The following PMS2 variants were observed in gnomAD, a reference collection of about 807,000 sequenced individuals.
The protein encoded by PMS2 is PMS1 homolog 2, mismatch repair system component, also known as mismatch repair endonuclease PMS2.
PMS2 carries 69 observed loss-of-function variants against 90.0 expected under a neutral mutation model. That is an observed-to-expected ratio of 0.77 (90% CI 0.63 to 0.94). The LOEUF (loss-of-function observed/expected upper bound fraction) is 0.94, where lower values mean the gene tolerates loss of function less well. Among genes scored for constraint, PMS2 ranks in the 40% least tolerant of loss-of-function variants. The pLI is 0.00. For missense variants in PMS2, 966 were observed against 1,040.2 expected (o/e 0.93, Z 0.98); for synonymous variants, 332 against 375.1 (o/e 0.89, Z 1.33).
chr7:6,002,603 C>T lies in PMS2; in HGVS notation c.387G>A (p.Ala129=), dbSNP rs876658275. 4 of 1,611,912 alleles carry T rather than the reference C, an allele frequency of 2.5e-6. No homozygotes were observed. Among genetic ancestry groups the T allele is most frequent in the Non-Finnish European group, 3.4e-6 (4 of 1,179,782 alleles). The change falls in exon 5 of 15, where the codon GCG becomes GCA. Residue 129 remains alanine, a synonymous_variant. Coordinates refer to ENST00000265849, the MANE Select transcript of PMS2 (RefSeq NM_000535.7). ...DVTISTCHAS[A]KVGTRLMFDH... ...CAAACATCAGTCGAGTTCCAACCTT[C>T]GCCGATGCGTGGCAGGTAGAAATGG...
intron 10 of PMS2, among the ~76,000 whole-genome samples, chr7:5,988,512 A>C (rs1783335996): frequency 6.6e-6 from 1 of 152,194 alleles, no homozygotes; most frequent in Non-Finnish European, 1.5e-5. Flanking sequence ...GCAGCGAGCC[A>C]AGATCACTCC....
chr7:5,997,264 T>G, intron 7 of PMS2, 62 bp downstream of exon 7: 1 of 813,962 alleles, frequency 1.2e-6, no homozygotes, highest in Non-Finnish European at 2.1e-6. Context: ...TCACTATCTT[T>G]AAAAAAAAAG....
intron 8 of PMS2, among the ~76,000 whole-genome samples, chr7:5,993,808 C>T (rs1225278858): frequency 8.3e-6 from 1 of 120,830 alleles, no homozygotes; most frequent in Non-Finnish European, 1.6e-5. Flanking sequence ...TTGCAGTGAG[C>T]AGAGATCATG....
chr7:6,002,908 T>C (rs1785263660), intron 4 of PMS2, among the ~76,000 whole-genome samples: 1 of 152,218 alleles, frequency 6.6e-6, no homozygotes, highest in Non-Finnish European at 1.5e-5. Context: ...ATAAATGATC[T>C]TAAGATTTAT....
In PMS2 at chr7:5,973,357, A is replaced by C. The variant is rs1243200637; in HGVS notation, c.*42T>G. 9.9e-7 allele frequency: 1 copy of C among 1,007,582 alleles called. No homozygotes were observed. The highest frequency in any genetic ancestry group is 1.5e-6 in the Non-Finnish European group (1 of 664,110). The allele number at this position is 1,007,582 out of a possible 1,614,324, so 62.4% of individuals were successfully genotyped here. On this transcript the variant is annotated 3_prime_UTR_variant, in exon 15 of 15. Coordinates refer to ENST00000265849, the MANE Select transcript of PMS2 (RefSeq NM_000535.7). ...TGAAGACTCTGTCTTTCAAAACATA[A>C]AAATCTGCGATAAAACCAATTATTC...
intron 9 of PMS2, 48 bp from the exon 10 acceptor site, chr7:5,990,003 T>C (rs1163803034): frequency 8.2e-7 from 1 of 1,224,860 alleles, no homozygotes. Context: ...TTCACTTTTA[T>C]TTTATTTATT....
intron 10 of PMS2, among the ~76,000 whole-genome samples, chr7:5,987,935 C>G (rs901671155): frequency 2.0e-4 from 30 of 151,618 alleles, no homozygotes; most frequent in African/African-American, 7.3e-4. Flanking sequence ...TATCTGTCAT[C>G]CCAGCTACTT....
chr7:6,002,496 G>A lies in PMS2; in HGVS notation c.494C>T (p.Thr165Ile), dbSNP rs587781541. ...AAATTCCTTATGGCGCACAGGTAGT[G>A]TGGAAAATAACTGCTGCACGCTGAC... ...TTVSVQQLFS[T>I]LPVRHKEFQR... Residue 165 changes from threonine (T) to isoleucine (I), a missense_variant, in exon 5 of 15, where the codon ACA becomes ATA. This residue lies in a region of PMS2 where 871 missense variants were observed against 802.4 expected (regional missense o/e 1.09). Transcript: ENST00000265849. The A allele has an allele frequency of 1.2e-6, 2 of 1,611,496 alleles. No individual in the cohort carries two copies. The highest frequency in any genetic ancestry group is 2.2e-4 in the Middle Eastern group (1 of 4,452).
intron 1 of PMS2, 29 bp from the exon 2 acceptor site, chr7:6,006,060 C>G (rs1785728390): frequency 6.2e-7 from 1 of 1,608,742 alleles, no homozygotes; most frequent in Non-Finnish European, 8.5e-7. Flanking sequence ...AGAAACAAAT[C>G]AAGTATTCAG....
chr7:5,988,910 C>T (rs1186472219), intron 10 of PMS2, among the ~76,000 whole-genome samples: 8 of 152,088 alleles, frequency 5.3e-5, no homozygotes, highest in Non-Finnish European at 1.2e-4. Context: ...GGCTGGAGTG[C>T]AGTGGCACAA....
At chr7:6,000,859 C>T (rs770042387) in intron 5 of PMS2, among the ~76,000 whole-genome samples, 3 of 151,924 alleles carry the variant, frequency 2.0e-5, no homozygotes, top group East Asian at 1.9e-4. Flanking sequence ...GGCGTGGTGG[C>T]GCACACCTAT....
At chr7:5,994,509 C>G (rs994370816) in intron 8 of PMS2, among the ~76,000 whole-genome samples, 3 of 152,068 alleles carry the variant, frequency 2.0e-5, no homozygotes, top group Non-Finnish European at 1.5e-5. Context: ...CGCGGTGGCT[C>G]ACACCTGTAA....
At chr7:5,989,652 G>A (rs1783490545) in intron 10 of PMS2, 148 bp downstream of exon 10, 11 of 597,706 alleles carry the variant, frequency 1.8e-5, no homozygotes, top group Non-Finnish European at 2.6e-5. Context: ...GGGTGACAGA[G>A]CAAGTCCCTG....
Position 6,001,189 on chromosome 7 carries a change from G to T in PMS2, c.537+1264C>A, listed in dbSNP as rs532466707. 1.4e-4 allele frequency among the ~76,000 whole-genome samples: 22 copies of T among 152,146 alleles called. No individual in the cohort carries two copies. The East Asian group carries it at 3.5e-3, about 24-fold the overall frequency. The stretch of plus-strand genomic sequence containing the variant: ...GAACATGAAAGTGCCGAGTCTTCCA[G>T]CCTTTATACTATACACATTTAGGCT... On this transcript the variant is annotated intron_variant, in intron 5 of 14. Transcript: ENST00000265849.
chr7:5,983,757 T>G (rs1782563310), intron 11 of PMS2, among the ~76,000 whole-genome samples: 2 of 151,540 alleles, frequency 1.3e-5, no homozygotes, highest in Admixed American at 1.3e-4. Context: ...GTTCGAGCGA[T>G]TCTCCTGCCT....
chr7:5,993,459 C>G (rs1456386208), intron 8 of PMS2, among the ~76,000 whole-genome samples: 1 of 145,320 alleles, frequency 6.9e-6, no homozygotes, highest in African/African-American at 2.5e-5. Flanking sequence ...CTCAAAAAAC[C>G]CATGTCATCA....
chr7:5,979,201 CAAAAAAAAAA>C (rs60152367), intron 12 of PMS2, among the ~76,000 whole-genome samples: 2 of 49,460 alleles, frequency 4.0e-5, no homozygotes, highest in African/African-American at 1.6e-4. Context: ...GACTCTGTCT[CAAAAAAAAAA>C]AAAAAAAAAA....
chr7:6,001,884 T>A (rs1031906160), intron 5 of PMS2: 1 of 151,948 alleles, frequency 6.6e-6, no homozygotes, highest in African/African-American at 2.4e-5. Flanking sequence ...TTGCAGCTAC[T>A]CAGAAGGCTG....
chr7:6,005,019 T>C (rs12538339), intron 2 of PMS2, among the ~76,000 whole-genome samples: 123,061 of 151,616 alleles, frequency 0.81, 50,063 homozygotes, highest in East Asian at 0.91. Context: ...ATTCTCCTCC[T>C]TCAGCGTCCT....
Sources: allele counts gnomAD v4.1 joint callset (sites outside exome capture counted in the v4.1 genomes callset), GRCh38; gene constraint gnomAD v4.1.1; regional missense constraint gnomAD v4.1.1; transcripts MANE v1.5; gene names NCBI Gene and HGNC (gene_info 2026-07-23, HGNC 2026-07-21).